LIMS1: variants seen among roughly 807,000 people sequenced by gnomAD.
LIMS1 encodes the protein LIM and senescent cell antigen-like-containing domain protein 1.
Under a neutral mutation model 44.1 loss-of-function variants are expected in LIMS1, and 18 were observed. The ratio of observed to expected loss-of-function variants is 0.41; its 90% CI spans 0.28 to 0.61. The LOEUF is 0.61. Ranked by LOEUF, LIMS1 falls within the 20% of genes least tolerant of loss-of-function variation. The pLI, the probability that LIMS1 is intolerant of heterozygous loss-of-function variation, is 0.32. For synonymous variants in LIMS1, 93 were observed against 149.1 expected, an observed-to-expected ratio of 0.62 and a Z score of 2.74; for missense variants, 201 against 422.0, an observed-to-expected ratio of 0.48 and a Z score of 4.59.
exon 10 of LIMS1, chr2:108,685,514 T>G (rs1480929819): frequency 6.6e-6 from 1 of 152,230 alleles, no homozygotes; most frequent in Non-Finnish European, 1.5e-5. Context: ...CATTAAATAT[T>G]TGTATGCCTG....
chr2:108,621,557 C>T (rs1688242798), intron 1 of LIMS1: 4 of 880,524 alleles, frequency 4.5e-6, no homozygotes, highest in Non-Finnish European at 7.4e-6. Flanking sequence ...TTGGGAAGTA[C>T]TCATTGAAAA....
At chr2:108,567,925 G>C (rs947569769) in intron 1 of LIMS1, among the ~76,000 whole-genome samples, 1 of 152,152 alleles carries the variant, frequency 6.6e-6, no homozygotes, top group Non-Finnish European at 1.5e-5. Context: ...GGTGCTACTT[G>C]CAATTTTCAC....
intron 1 of LIMS1, among the ~76,000 whole-genome samples, chr2:108,643,935 G>A (rs1212559524): frequency 6.6e-6 from 1 of 152,200 alleles, no homozygotes; most frequent in Non-Finnish European, 1.5e-5. Context: ...CTGCATTTCA[G>A]CAAGGTTGCT....
At chr2:108,635,972 G>A (rs1183613979) in intron 1 of LIMS1, among the ~76,000 whole-genome samples, 2 of 152,190 alleles carry the variant, frequency 1.3e-5, no homozygotes, top group Admixed American at 1.3e-4. Context: ...GTCCAACCAG[G>A]AGAGAAAACC....
intron 1 of LIMS1, among the ~76,000 whole-genome samples, chr2:108,551,418 A>T (rs190052712): frequency 2.8e-5 from 4 of 145,076 alleles, no homozygotes; most frequent in African/African-American, 1.0e-4. Context: ...CTATAATATA[A>T]TTATATAGTT....
chr2:108,665,566 G>A (rs1019092802), intron 2 of LIMS1, among the ~76,000 whole-genome samples: 17 of 151,530 alleles, frequency 1.1e-4, no homozygotes, highest in South Asian at 2.1e-4. Flanking sequence ...TCGCTCTGTC[G>A]CCCAGGCTGG....
chr2:108,650,599 G>T (rs976808175), intron 1 of LIMS1, among the ~76,000 whole-genome samples: 1 of 151,906 alleles, frequency 6.6e-6, no homozygotes, highest in Non-Finnish European at 1.5e-5. Flanking sequence ...TGTGTTTTTA[G>T]TAGAGACAGG....
In LIMS1 at chr2:108,683,919, TG is replaced by T; in HGVS notation, c.935del (p.Cys312LeufsTer12). Reference sequence around the variant, plus strand: ...TGTGGAGTTTGACATGAAGCCAGTCTGTAAGAAGTGCTATGAGAAATTTCCA... The same window carrying T: ...TGTGGAGTTTGACATGAAGCCAGTCTTAAGAAGTGCTATGAGAAATTTCCA... On this transcript the variant is annotated frameshift_variant, in exon 10 of 10. Transcript: ENST00000544547. LOFTEE classifies it high-confidence loss of function. 1 of 1,600,814 alleles carries T rather than the reference TG, an allele frequency of 6.2e-7. No individual in the cohort carries two copies. Among genetic ancestry groups the T allele is most frequent in the Non-Finnish European group, 8.5e-7 (1 of 1,173,514 alleles).
intron 1 of LIMS1, among the ~76,000 whole-genome samples, chr2:108,608,819 T>C (rs1426270073): frequency 6.6e-6 from 1 of 152,120 alleles, no homozygotes; most frequent in Non-Finnish European, 1.5e-5. Flanking sequence ...AGTTTCTACT[T>C]CCGAGAAATA....
At chr2:108,629,421 C>T (rs1299427226) in intron 1 of LIMS1, among the ~76,000 whole-genome samples, 1 of 128,362 alleles carries the variant, frequency 7.8e-6, no homozygotes, top group East Asian at 9.3e-4. Flanking sequence ...TTAACTTTCA[C>T]TCATAATAGA....
intron 1 of LIMS1, among the ~76,000 whole-genome samples, chr2:108,632,133 G>A (rs1330651507): frequency 6.6e-6 from 1 of 152,014 alleles, no homozygotes; most frequent in Non-Finnish European, 1.5e-5. Context: ...CACCATGCTT[G>A]GCTAATGTTT....
At chr2:108,555,093 A>G (rs924250837) in intron 1 of LIMS1, among the ~76,000 whole-genome samples, 1 of 152,174 alleles carries the variant, frequency 6.6e-6, no homozygotes, top group African/African-American at 2.4e-5. Flanking sequence ...TAGCCATGAG[A>G]ATCCATTCTT....
intron 2 of LIMS1, among the ~76,000 whole-genome samples, chr2:108,665,447 G>A (rs1481233855): frequency 6.6e-6 from 1 of 152,160 alleles, no homozygotes; most frequent in Non-Finnish European, 1.5e-5. Context: ...AATGTTATCT[G>A]GCGGATGACT....
Position 108,642,659 on chromosome 2 carries a change from G to A in LIMS1, c.33-16946G>A, listed in dbSNP as rs192075728. Among the ~76,000 whole-genome samples the A allele has an allele frequency of 7.2e-5, 11 of 152,102 alleles. No homozygotes were observed. In the East Asian group the frequency reaches 1.2e-3, roughly 16 times the overall value. On this transcript the variant is annotated intron_variant, in intron 1 of 9. Coordinates refer to ENST00000544547, the Ensembl canonical transcript of LIMS1. ...CAGGCGTGAGCCACCGCGCCCGGCC[G>A]CTACTAGTGTTTTTTAAAAGCTGCT... is the stretch of plus-strand genomic sequence containing the variant.
Position 108,604,091 on chromosome 2 carries a change from AG to A in LIMS1, c.33-55513del, listed in dbSNP as rs200179693. 9.1e-3 allele frequency among the ~76,000 whole-genome samples: 1,391 copies of A among 152,230 alleles called. 15 individuals carry two copies. Among genetic ancestry groups the A allele is most frequent in the Middle Eastern group, 0.02 (6 of 294 alleles). ...TCCTTAATTTCTTCACTGGCCCACT[AG>A]TCATTCAGGAGCATATTGTTTCCTT... On this transcript the variant is annotated intron_variant, in intron 1 of 9. Transcript: ENST00000544547.
chr2:108,550,000 G>A (rs188405928), intron 1 of LIMS1, among the ~76,000 whole-genome samples: 24 of 152,090 alleles, frequency 1.6e-4, no homozygotes, highest in Non-Finnish European at 3.4e-4. Flanking sequence ...GATAATAAAA[G>A]GATCACTTAA....
chr2:108,648,661 G>A (rs577810621), intron 1 of LIMS1, among the ~76,000 whole-genome samples: 1 of 152,214 alleles, frequency 6.6e-6, no homozygotes, highest in Non-Finnish European at 1.5e-5. Context: ...CAGAACAGAA[G>A]CCTCAGAAAT....
intron 1 of LIMS1, among the ~76,000 whole-genome samples, chr2:108,575,287 A>G (rs201670151): frequency 1.7e-5 from 1 of 59,892 alleles, no homozygotes; most frequent in African/African-American, 4.1e-5. Flanking sequence ...AAACATAGTT[A>G]TATGCTCGTT....
exon 1 of LIMS1, chr2:108,534,548 G>A (rs1684048804): frequency 1.7e-6 from 2 of 1,206,854 alleles, no homozygotes; most frequent in Admixed American, 4.2e-5. Flanking sequence ...GACGGCGGCG[G>A]CCGAAAGCGG....
Sources: allele counts gnomAD v4.1 joint callset (sites outside exome capture counted in the v4.1 genomes callset), GRCh38; gene constraint gnomAD v4.1.1; transcripts MANE v1.5; gene names NCBI Gene and HGNC (gene_info 2026-07-23, HGNC 2026-07-21).